AFAP1L2: variants seen among roughly 807,000 people sequenced by gnomAD.
AFAP1L2 encodes actin filament-associated protein 1-like 2.
A neutral mutation model predicts 99.3 loss-of-function variants in AFAP1L2; 46 were observed. That is an observed-to-expected ratio of 0.46 (90% CI 0.37 to 0.59). The LOEUF is 0.59. AFAP1L2 is among the 20% of genes least tolerant of loss of function. The pLI, the probability that AFAP1L2 is intolerant of heterozygous loss-of-function variation, is 0.00. For missense variants in AFAP1L2, 959 were observed against 1,034.9 expected, an observed-to-expected ratio of 0.93 and a Z score of 1.01; for synonymous variants, 397 against 419.1, an observed-to-expected ratio of 0.95 and a Z score of 0.64.
Position 114,300,356 on chromosome 10 carries a change from C to T in AFAP1L2, c.1795G>A (p.Glu599Lys), listed in dbSNP as rs749239862. ...CPENLGEQQL[E>K]SLEPEDPSLR... ...GAAGGATCCTCTGGCTCCAAACTCT[C>T]CAGCTGCTTTGGGGGAAAGCAGACC... is the stretch of plus-strand genomic sequence containing the variant. Residue 599 changes from glutamate (E) to lysine (K), a missense_variant, in exon 15 of 19, where the codon GAG becomes AAG. Around this residue, in one of 2 missense-constraint regions of AFAP1L2, gnomAD observed 576 missense variants for 562.1 expected, o/e 1.02. Coordinates refer to ENST00000304129, the MANE Select transcript of AFAP1L2 (RefSeq NM_001001936.3). 142 of 1,614,052 alleles carry T rather than the reference C, an allele frequency of 8.8e-5. No homozygotes were observed. Among genetic ancestry groups the T allele is most frequent in the Non-Finnish European group, 1.1e-4 (135 of 1,180,010 alleles).
intron 1 of AFAP1L2, among the ~76,000 whole-genome samples, chr10:114,360,513 A>ACAGATAGATAGATAGATAGATAGT: frequency 1.3e-5 from 1 of 79,296 alleles, no homozygotes; most frequent in East Asian, 3.5e-4. Flanking sequence ...AGATAGTTAG[A>ACAGATAGATAGATAGATAGATAGT]TAGATAGATA....
rs532498920 is a variant in AFAP1L2 at position 114,358,233 on chromosome 10, A to G, written c.17-17502T>C. Among the ~76,000 whole-genome samples, 5 of 152,382 alleles carry G rather than the reference A, an allele frequency of 3.3e-5. No individual in the cohort carries two copies. In the South Asian group the frequency reaches 1.0e-3, roughly 32 times the overall value. On this transcript the variant is annotated intron_variant, in intron 1 of 18. Coordinates refer to ENST00000304129, the MANE Select transcript of AFAP1L2 (RefSeq NM_001001936.3). ...GGGTAATTTTCTATTGAAATAAACT[A>G]GGAAGATAGAATTACAGTTAAGGAA...
At chr10:114,351,518 T>C (rs899069852) in intron 1 of AFAP1L2, among the ~76,000 whole-genome samples, 1 of 152,106 alleles carries the variant, frequency 6.6e-6, no homozygotes, top group African/African-American at 2.4e-5. Context: ...TCCAAGCAGG[T>C]CAAAATCAGC....
In AFAP1L2 at chr10:114,301,255, C is replaced by T. The variant is rs975937999; in HGVS notation, c.1542+99G>A. On this transcript the variant is annotated intron_variant, in intron 13 of 18. Transcript: ENST00000304129. ...TAGGTGACTCAGAACCCACTCATCT[C>T]ATCTCAGGGATACTCTAATGATCTC... is the stretch of plus-strand genomic sequence containing the variant. 21 of 995,648 alleles carry T rather than the reference C, an allele frequency of 2.1e-5. No homozygotes were observed. The Admixed American group carries it at 4.1e-4, about 19-fold the overall frequency. 61.7% of individuals were successfully genotyped at this position (995,648 alleles called of 1,614,324 possible).
chr10:114,304,975 G>A (rs1289152775), intron 10 of AFAP1L2, 45 bp from the exon 11 acceptor site: 2 of 1,552,386 alleles, frequency 1.3e-6, no homozygotes, highest in South Asian at 2.3e-5. Flanking sequence ...GGCTGCAGGA[G>A]GGGACGCAGA....
intron 1 of AFAP1L2, among the ~76,000 whole-genome samples, chr10:114,344,576 A>G (rs1347324040): frequency 6.6e-6 from 1 of 152,188 alleles, no homozygotes; most frequent in Non-Finnish European, 1.5e-5. Flanking sequence ...AAGGGTGGAA[A>G]GTGCTGGGCC....
chr10:114,304,785 G>T lies in AFAP1L2; in HGVS notation c.1218C>A (p.Asp406Glu), dbSNP rs996004290. 4 of 1,613,236 alleles carry T rather than the reference G, an allele frequency of 2.5e-6. No homozygotes were observed. The highest frequency in any genetic ancestry group is 3.4e-6 in the Non-Finnish European group (4 of 1,180,008). Residue 406 changes from aspartate to glutamate, a missense_variant, in exon 11 of 19, where the codon GAC (aspartate) becomes GAA (glutamate). Physicochemically the swap from Asp to Glu is conservative, Grantham distance 45. Transcript: ENST00000304129. ...AGGAGTAGAGGTGGTCGGGGCTGGG[G>T]TCTGGGACCACCTCGCAGCCCACCA... ...LSLVGCEVVP[D>E]PSPDHLYSFR...
At chr10:114,397,122 G>GA (rs5788062) in intron 1 of AFAP1L2, among the ~76,000 whole-genome samples, 2,361 of 148,766 alleles carry the variant, frequency 0.016, 36 homozygotes, top group East Asian at 0.029. Flanking sequence ...TTTACACACA[G>GA]AAAAAAAAAA....
chr10:114,343,088 C>T (rs2049036662), intron 1 of AFAP1L2, among the ~76,000 whole-genome samples: 2 of 152,232 alleles, frequency 1.3e-5, no homozygotes, highest in African/African-American at 2.4e-5. Flanking sequence ...GAGAAGTCCA[C>T]TAAAAATCCA....
At chr10:114,315,054 T>A (rs2043895405) in intron 6 of AFAP1L2, among the ~76,000 whole-genome samples, 1 of 152,084 alleles carries the variant, frequency 6.6e-6, no homozygotes, top group Non-Finnish European at 1.5e-5. Context: ...GGCAGGAGAA[T>A]CACTTGAACC....
At position 114,302,345 on chromosome 10, in the gene AFAP1L2, G is replaced by C; in HGVS notation, c.1424C>G (p.Ser475Cys). The change falls in exon 12 of 19, where the codon TCT (serine) becomes TGT (cysteine). Residue 475 changes from serine (S) to cysteine (C), a missense_variant. By Grantham distance (112) the Ser-to-Cys change is moderately radical. Coordinates refer to ENST00000304129, the MANE Select transcript of AFAP1L2 (RefSeq NM_001001936.3). ...AAGGGTCCAAATTACTCACAAGAGAGAGTTTTTGGCCGCACTCACAATACA... is the reference window on the plus strand; with the variant it reads ...AAGGGTCCAAATTACTCACAAGAGACAGTTTTTGGCCGCACTCACAATACA... The part of the protein sequence containing the change: ...VSCIVSAAKN[S>C]LLLMQRKFSE... 6.2e-7 allele frequency: 1 copy of C among 1,614,162 alleles called. No individual in the cohort carries two copies. The highest frequency in any genetic ancestry group is 8.5e-7 in the Non-Finnish European group (1 of 1,180,036).
chr10:114,294,815 G>A (rs1171317668), downstream of AFAP1L2: 4 of 982,586 alleles, frequency 4.1e-6, no homozygotes, highest in Non-Finnish European at 4.8e-6. Context: ...TTCATGAACT[G>A]AGGAAAACTT....
At chr10:114,360,562 T>TAGAC (rs747376649) in intron 1 of AFAP1L2, among the ~76,000 whole-genome samples, 1 of 150,146 alleles carries the variant, frequency 6.7e-6, no homozygotes, top group Non-Finnish European at 1.5e-5. Flanking sequence ...GATAGATAGA[T>TAGAC]AGACGGACAG....
chr10:114,296,438 T>C, intron 18 of AFAP1L2: 1 of 271,092 alleles, frequency 3.7e-6, no homozygotes, highest in Admixed American at 4.8e-5. Flanking sequence ...GGCATGTTCT[T>C]TAGTGTACAA....
At chr10:114,378,963 G>A (rs1380663849) in intron 1 of AFAP1L2, among the ~76,000 whole-genome samples, 3 of 152,162 alleles carry the variant, frequency 2.0e-5, no homozygotes, top group Non-Finnish European at 4.4e-5. Flanking sequence ...TGTAATCCCA[G>A]TACTCTGGGA....
At chr10:114,330,121 T>A (rs2047010914) in intron 4 of AFAP1L2, among the ~76,000 whole-genome samples, 1 of 152,104 alleles carries the variant, frequency 6.6e-6, no homozygotes, top group Non-Finnish European at 1.5e-5. Context: ...AGGGACGGCA[T>A]GCAATGGGAC....
chr10:114,302,598 C>G lies in AFAP1L2; in HGVS notation c.1285-114G>C, dbSNP rs2041405388. The G allele has an allele frequency of 3.8e-6, 5 of 1,320,370 alleles. No individual in the cohort carries two copies. In the South Asian group the frequency reaches 6.7e-5, roughly 18 times the overall value. The allele number at this position is 1,320,370 out of a possible 1,614,324, so 81.8% of individuals were successfully genotyped here. A position where few individuals can be genotyped will look rare whatever the true frequency, so the allele number is the denominator to read the frequency against. The stretch of plus-strand genomic sequence containing the variant: ...CCCCTGAGCCTGCCCACGAAAGCCT[C>G]TGTAACAGCCCGGGGCTGTGCTTCT... On this transcript the variant is annotated intron_variant, in intron 11 of 18. Coordinates refer to ENST00000304129, the MANE Select transcript of AFAP1L2 (RefSeq NM_001001936.3).
intron 1 of AFAP1L2, among the ~76,000 whole-genome samples, chr10:114,350,595 C>G (rs749095464): frequency 6.6e-6 from 1 of 152,194 alleles, no homozygotes; most frequent in Non-Finnish European, 1.5e-5. Flanking sequence ...GGGCAAAGGG[C>G]TCACAAGTCC....
chr10:114,299,959 C>G (rs980430996), intron 15 of AFAP1L2, among the ~76,000 whole-genome samples: 1 of 152,202 alleles, frequency 6.6e-6, no homozygotes, highest in African/African-American at 2.4e-5. Context: ...AGACTGAAGG[C>G]TGCACTGTCG....
Sources: allele counts gnomAD v4.1 joint callset (sites outside exome capture counted in the v4.1 genomes callset), GRCh38; gene constraint gnomAD v4.1.1; regional missense constraint gnomAD v4.1.1; transcripts MANE v1.5; gene names NCBI Gene and HGNC (gene_info 2026-07-23, HGNC 2026-07-21).